PCDH7: variants seen among roughly 807,000 people sequenced by gnomAD.
PCDH7 encodes protocadherin-7.
In PCDH7, 17 loss-of-function variants were observed where a neutral mutation model predicts 58.9. The observed-to-expected ratio is 0.29, with a 90% CI of 0.20 to 0.43. The LOEUF (loss-of-function observed/expected upper bound fraction) is 0.43. Among genes scored for constraint, PCDH7 ranks in the 20% least tolerant of loss-of-function variants. The pLI is 1.00. For missense variants in PCDH7, 1,274 were observed against 1,441.0 expected (o/e 0.88, Z 1.88); for synonymous variants, 664 against 616.4 (o/e 1.08, Z -1.14).
intron 3 of PCDH7, among the ~76,000 whole-genome samples, chr4:30,978,784 T>G (rs1182271258): frequency 6.6e-6 from 1 of 152,186 alleles, no homozygotes; most frequent in Non-Finnish European, 1.5e-5. Flanking sequence ...TATTAATTAA[T>G]GTACTACATG....
At chr4:31,118,191 C>G (rs912542621) in intron 3 of PCDH7, among the ~76,000 whole-genome samples, 4 of 152,058 alleles carry the variant, frequency 2.6e-5, no homozygotes, top group African/African-American at 9.7e-5. Context: ...TTATAAAAAC[C>G]CATGGTTCTT....
intron 3 of PCDH7, among the ~76,000 whole-genome samples, chr4:31,032,685 A>C (rs1578612285): frequency 2.6e-5 from 1 of 38,016 alleles, no homozygotes. Flanking sequence ...GGAGGGAGGG[A>C]GGGAGGGAGG....
chr4:30,769,491 A>G (rs1309646872), intron 1 of PCDH7, among the ~76,000 whole-genome samples: 1 of 152,170 alleles, frequency 6.6e-6, no homozygotes, highest in Non-Finnish European at 1.5e-5. Flanking sequence ...GGTAGAGACT[A>G]AAGATGAAAT....
intron 3 of PCDH7, among the ~76,000 whole-genome samples, chr4:31,007,704 A>C (rs1283300621): frequency 6.6e-6 from 1 of 152,076 alleles, no homozygotes; most frequent in Non-Finnish European, 1.5e-5. Context: ...GAGAAACCTG[A>C]GTAAATCTAG....
At chr4:30,898,370 T>C (rs1356271017) in intron 1 of PCDH7, among the ~76,000 whole-genome samples, 1 of 152,134 alleles carries the variant, frequency 6.6e-6, no homozygotes, top group Non-Finnish European at 1.5e-5. Context: ...GAATCTTATC[T>C]AAGGCTGGCT....
chr4:30,937,734 G>A (rs1223093722), intron 2 of PCDH7, among the ~76,000 whole-genome samples: 2 of 151,868 alleles, frequency 1.3e-5, no homozygotes, highest in Non-Finnish European at 2.9e-5. Context: ...GTGGATCAAT[G>A]ACTCAGCTGG....
intron 1 of PCDH7, among the ~76,000 whole-genome samples, chr4:30,809,836 T>C (rs1275429174): frequency 6.6e-6 from 1 of 152,214 alleles, no homozygotes; most frequent in Non-Finnish European, 1.5e-5. Context: ...GTTTATTATA[T>C]GTAACACATA....
At position 31,101,700 on chromosome 4, in the gene PCDH7, G is replaced by C. The variant is rs534105103; in HGVS notation, c.*8-40773G>C. Among the ~76,000 whole-genome samples, 14 of 152,214 alleles carry C rather than the reference G, an allele frequency of 9.2e-5. No homozygotes were observed. In the South Asian group the frequency reaches 2.9e-3, roughly 32 times the overall value. On this transcript the variant is annotated intron_variant, in intron 3 of 3. Coordinates refer to the PCDH7 transcript ENST00000509759. ...GTCTTATCTTAACAGAGTAAGCATT[G>C]ACCTTTAGATTTTCCTTTCAACTGA...
intron 1 of PCDH7, among the ~76,000 whole-genome samples, chr4:30,901,348 A>G (rs1740198243): frequency 6.6e-6 from 1 of 152,142 alleles, no homozygotes; most frequent in Non-Finnish European, 1.5e-5. Context: ...TATAAATCAT[A>G]TGGTGATGGA....
chr4:31,097,548 A>C (rs1171999353), intron 3 of PCDH7, among the ~76,000 whole-genome samples: 1 of 135,254 alleles, frequency 7.4e-6, no homozygotes, highest in African/African-American at 2.7e-5. Context: ...AGAAAGATGC[A>C]CTTACTATGT....
At chr4:31,085,791 A>G (rs1204976926) in intron 3 of PCDH7, among the ~76,000 whole-genome samples, 1 of 152,156 alleles carries the variant, frequency 6.6e-6, no homozygotes, top group African/African-American at 2.4e-5. Context: ...AATTCATTAT[A>G]AAGTCAAAAA....
At chr4:31,015,126 C>T (rs1753503281) in intron 3 of PCDH7, among the ~76,000 whole-genome samples, 1 of 152,094 alleles carries the variant, frequency 6.6e-6, no homozygotes, top group South Asian at 2.1e-4. Flanking sequence ...AATGGCTGAC[C>T]CTCCAGACTT....
intron 3 of PCDH7, among the ~76,000 whole-genome samples, chr4:31,093,706 G>C (rs1713568563): frequency 6.6e-6 from 1 of 152,002 alleles, no homozygotes; most frequent in South Asian, 2.1e-4. Context: ...GTCATCTTTG[G>C]TTTCTCCTAT....
At chr4:30,949,046 C>T (rs145862851) in intron 2 of PCDH7, among the ~76,000 whole-genome samples, 1 of 152,242 alleles carries the variant, frequency 6.6e-6, no homozygotes, top group Non-Finnish European at 1.5e-5. Context: ...ATGAATAGCC[C>T]TGTCTTTAGA....
intron 1 of PCDH7, among the ~76,000 whole-genome samples, chr4:30,829,264 G>A (rs545821868): frequency 4.3e-4 from 66 of 152,110 alleles, no homozygotes; most frequent in Non-Finnish European, 6.9e-4. Flanking sequence ...ATGTATAATT[G>A]AATACTTCAT....
At chr4:31,138,943 T>C in intron 3 of PCDH7, among the ~76,000 whole-genome samples, 1 of 147,322 alleles carries the variant, frequency 6.8e-6, no homozygotes, top group East Asian at 2.0e-4. Context: ...ACCACTGCAC[T>C]CCAGTCTGGG....
chr4:30,963,349 T>A (rs1748656731), intron 3 of PCDH7, among the ~76,000 whole-genome samples: 1 of 152,220 alleles, frequency 6.6e-6, no homozygotes, highest in African/African-American at 2.4e-5. Context: ...TCTGTATACA[T>A]GCTTCCTCTC....
intron 1 of PCDH7, among the ~76,000 whole-genome samples, chr4:30,742,324 G>A (rs753916623): frequency 1.6e-4 from 25 of 152,090 alleles, no homozygotes; most frequent in Non-Finnish European, 3.1e-4. Flanking sequence ...CTAGAATATT[G>A]CTTGCTAATC....
At chr4:31,048,573 G>A (rs1195194144) in intron 3 of PCDH7, among the ~76,000 whole-genome samples, 4 of 152,042 alleles carry the variant, frequency 2.6e-5, no homozygotes, top group Non-Finnish European at 4.4e-5. Flanking sequence ...GGACAGACCT[G>A]TTAATTCCAA....
Sources: gnomAD v4.1 joint callset for allele counts (sites outside exome capture counted in the v4.1 genomes callset) on GRCh38, gnomAD v4.1.1 for gene constraint, MANE v1.5 for transcripts, NCBI Gene and HGNC (gene_info 2026-07-23, HGNC 2026-07-21) for gene names.